The following PITPNM2 variants were observed in gnomAD, a reference collection of about 807,000 sequenced individuals.
PITPNM2 encodes phosphatidylinositol transfer protein membrane associated 2, also known as membrane-associated phosphatidylinositol transfer protein 2.
In PITPNM2, 35 loss-of-function variants were observed where a neutral mutation model predicts 132.2. That is an observed-to-expected ratio of 0.26 (90% CI 0.20 to 0.35). The LOEUF (loss-of-function observed/expected upper bound fraction) is 0.35, where lower values mean the gene tolerates loss of function less well. Ranked by LOEUF, PITPNM2 falls within the 10% of genes least tolerant of loss-of-function variation. The pLI is 1.00. For synonymous variants in PITPNM2, 738 were observed against 799.2 expected, an observed-to-expected ratio of 0.92 and a Z score of 1.29; for missense variants, 1,332 against 1,912.0, an observed-to-expected ratio of 0.70 and a Z score of 5.66.
Position 122,997,506 on chromosome 12 carries a change from C to T in PITPNM2, c.1291G>A (p.Gly431Arg). ...KIHVLLLVLH[G>R]GTILDTGAGD... ...GCGCCTGTGTCCAGGATGGTGCCTC[C>T]GTGCAGCACCAGTAGCAGCACGTGG... The change falls in exon 11 of 26, where the codon GGA (glycine) becomes AGA (arginine). Residue 431 changes from glycine (G) to arginine (R), a missense_variant. Coordinates refer to ENST00000320201, the MANE Select transcript of PITPNM2 (RefSeq NM_020845.3). 7 of 1,613,278 alleles carry T rather than the reference C, an allele frequency of 4.3e-6. No homozygotes were observed. Among genetic ancestry groups the T allele is most frequent in the African/African-American group, 1.3e-5 (1 of 75,004 alleles).
chr12:123,129,871 T>C (rs1029337670), intron 1 of PITPNM2, among the ~76,000 whole-genome samples: 2 of 150,568 alleles, frequency 1.3e-5, no homozygotes, highest in African/African-American at 2.4e-5. Flanking sequence ...CTGCATACCA[T>C]CTGAATGGCA....
At chr12:123,059,398 G>A (rs4148860) in intron 2 of PITPNM2, among the ~76,000 whole-genome samples, 2 of 152,244 alleles carry the variant, frequency 1.3e-5, no homozygotes, top group East Asian at 3.8e-4. Context: ...ATGCCCACAA[G>A]GCTCTGTGAC....
Position 123,022,866 on chromosome 12 carries a change from A to G in PITPNM2, c.79-8824T>C, listed in dbSNP as rs1232368882. On this transcript the variant is annotated intron_variant, in intron 3 of 25. Coordinates refer to ENST00000320201, the MANE Select transcript of PITPNM2 (RefSeq NM_020845.3). This position sits in a 1 kb window ranked among gnomAD's most constrained non-coding sequence, Gnocchi z 4.9. ...AGGAGGGGCACCGGCCAGATGCCACATCTACACTCAGGGATCTGATGTGCC... is the reference window on the plus strand; with the variant it reads ...AGGAGGGGCACCGGCCAGATGCCACGTCTACACTCAGGGATCTGATGTGCC... 1.3e-5 allele frequency among the ~76,000 whole-genome samples: 2 copies of G among 152,186 alleles called. No homozygotes were observed. The highest frequency in any genetic ancestry group is 3.9e-4 in the East Asian group (2 of 5,178).
At chr12:123,043,109 T>C (rs1333843747) in intron 2 of PITPNM2, among the ~76,000 whole-genome samples, 2 of 151,958 alleles carry the variant, frequency 1.3e-5, no homozygotes, top group Non-Finnish European at 2.9e-5. Context: ...AGATTTCTTT[T>C]GAAGAAAGGA....
chr12:122,990,838 C>T, intron 16 of PITPNM2, 129 bp from the exon 17 acceptor site: 1 of 1,032,410 alleles, frequency 9.7e-7, no homozygotes, highest in Non-Finnish European at 1.4e-6. Flanking sequence ...GTGCCAGAGC[C>T]ACCTGCTCAG....
chr12:123,069,312 A>C (rs866638143), intron 2 of PITPNM2, among the ~76,000 whole-genome samples: 1 of 152,036 alleles, frequency 6.6e-6, no homozygotes, highest in Middle Eastern at 3.4e-3. Context: ...CTAAATCAGA[A>C]CCTCTGTGTG....
At chr12:123,016,561 C>T (rs533616700) in intron 3 of PITPNM2, among the ~76,000 whole-genome samples, 5 of 149,422 alleles carry the variant, frequency 3.3e-5, no homozygotes, top group Admixed American at 1.3e-4. Flanking sequence ...ATGATCCGCT[C>T]GCCTCGGCCT....
chr12:123,007,181 C>T (rs372491330), intron 6 of PITPNM2, among the ~76,000 whole-genome samples: 17 of 152,214 alleles, frequency 1.1e-4, no homozygotes, highest in East Asian at 7.7e-4. Flanking sequence ...CTATGTGTCA[C>T]GCTGTATTTT....
At chr12:123,107,484 AG>A (rs1226496734) in intron 2 of PITPNM2, among the ~76,000 whole-genome samples, 1 of 152,200 alleles carries the variant, frequency 6.6e-6, no homozygotes, top group Non-Finnish European at 1.5e-5. Flanking sequence ...ACCTTCTGGA[AG>A]GAAGGGCTCT....
At position 123,117,718 on chromosome 12, in the gene PITPNM2, GCT is replaced by G. The variant is rs2042957731; in HGVS notation, c.-199-7232_-199-7231del. Among the ~76,000 whole-genome samples, 1 of 152,158 alleles carries G rather than the reference GCT, an allele frequency of 6.6e-6. No homozygotes were observed. Among genetic ancestry groups the G allele is most frequent in the African/African-American group, 2.4e-5 (1 of 41,430 alleles). The stretch of plus-strand genomic sequence containing the variant: ...ACGTGTGCCCCTGGAGCCCTGCTCT[GCT>G]CTCTGTGCCCTTCATGGATTTGTTC... On this transcript the variant is annotated intron_variant, in intron 1 of 25. Coordinates refer to ENST00000320201, the MANE Select transcript of PITPNM2 (RefSeq NM_020845.3). This position sits in a 1 kb window ranked among gnomAD's most constrained non-coding sequence, Gnocchi z 4.7.
At chr12:123,002,132 A>G (rs1397174182) in intron 8 of PITPNM2, among the ~76,000 whole-genome samples, 1 of 151,290 alleles carries the variant, frequency 6.6e-6, no homozygotes, top group Non-Finnish European at 1.5e-5. Flanking sequence ...GAGGTCAGGA[A>G]TTCAAGACCA....
In PITPNM2 at chr12:122,990,724, G is replaced by T; in HGVS notation, c.2405-15C>A. The stretch of plus-strand genomic sequence containing the variant: ...GAGCACATCCGCTGCAGGTGGACAG[G>T]GACCAGAGGCCAGGTAAGAGAGGCC... On this transcript the variant is annotated splice_polypyrimidine_tract_variant and intron_variant, in intron 16 of 25. Transcript: ENST00000320201. 6.3e-7 allele frequency: 1 copy of T among 1,591,530 alleles called. No homozygotes were observed. Among genetic ancestry groups the T allele is most frequent in the South Asian group, 1.1e-5 (1 of 87,230 alleles).
At chr12:123,066,265 C>A (rs1261320472) in intron 2 of PITPNM2, among the ~76,000 whole-genome samples, 1 of 151,982 alleles carries the variant, frequency 6.6e-6, no homozygotes. Context: ...CAAGATCGAG[C>A]AAGGGGAGGG....
At position 123,067,377 on chromosome 12, in the gene PITPNM2, A is replaced by G. The variant is rs191592574; in HGVS notation, c.-95-32692T>C. On this transcript the variant is annotated intron_variant, in intron 2 of 25. Coordinates refer to ENST00000320201, the MANE Select transcript of PITPNM2 (RefSeq NM_020845.3). ...AGGCTGAGGCAGGAGAATCGCTTGA[A>G]CCCAGGAGGCAGAGGTTGCAGTGAG... is the stretch of plus-strand genomic sequence containing the variant. Among the ~76,000 whole-genome samples, 17 of 151,828 alleles carry G rather than the reference A, an allele frequency of 1.1e-4. No individual in the cohort carries two copies. In the East Asian group the frequency reaches 3.3e-3, roughly 30 times the overall value.
At chr12:123,010,142 T>A in intron 5 of PITPNM2, 65 bp from the exon 6 acceptor site, 1 of 1,349,358 alleles carries the variant, frequency 7.4e-7, no homozygotes, top group Non-Finnish European at 1.0e-6. Flanking sequence ...CATCTCTCCA[T>A]GTTCCTCCAC....
intron 23 of PITPNM2, 71 bp from the exon 24 acceptor site, chr12:122,986,900 G>T: frequency 6.8e-7 from 1 of 1,469,320 alleles, no homozygotes; most frequent in South Asian, 1.3e-5. Flanking sequence ...TGCCCAGCCA[G>T]GGCCCACTTG....
chr12:123,015,274 C>G (rs1377946160), intron 3 of PITPNM2, among the ~76,000 whole-genome samples: 1 of 152,170 alleles, frequency 6.6e-6, no homozygotes, highest in African/African-American at 2.4e-5. Flanking sequence ...ACTCACACTT[C>G]CCTATATCAA....
chr12:123,150,476 G>A lies in PITPNM2; in HGVS notation c.-200+277C>T, dbSNP rs906082292. 1.3e-5 allele frequency among the ~76,000 whole-genome samples: 2 copies of A among 152,126 alleles called. No individual in the cohort carries two copies. The highest frequency in any genetic ancestry group is 4.8e-5 in the African/African-American group (2 of 41,438). ...GTCCCCCACGCGGTCGCGACCGACG[G>A]AAATTCGGAAATCAGCGTTTCGGGC... On this transcript the variant is annotated intron_variant, in intron 1 of 25. Coordinates refer to ENST00000320201, the MANE Select transcript of PITPNM2 (RefSeq NM_020845.3). The surrounding 1 kb of genome is among the most constrained non-coding windows in gnomAD (Gnocchi z 6.0).
rs964236457 is a variant in PITPNM2, at chr12:123,009,161, G to A, written c.643+689C>T. On this transcript the variant is annotated intron_variant, in intron 6 of 25. Transcript: ENST00000320201. This position sits in a 1 kb window ranked among gnomAD's most constrained non-coding sequence, Gnocchi z 4.8. ...TCACCCTTGCTCATGGCATCACAAG[G>A]TGTCTGGCTGGGGTGCCTTTTGGGT... 1.3e-5 allele frequency among the ~76,000 whole-genome samples: 2 copies of A among 152,202 alleles called. No homozygotes were observed. The highest frequency in any genetic ancestry group is 4.8e-5 in the African/African-American group (2 of 41,442).
Sources: allele counts gnomAD v4.1 joint callset (sites outside exome capture counted in the v4.1 genomes callset), GRCh38; gene constraint gnomAD v4.1.1; non-coding constraint Gnocchi (gnomAD v3.1); transcripts MANE v1.5; gene names NCBI Gene and HGNC (gene_info 2026-07-23, HGNC 2026-07-21).